PTTG1IP2: variants seen among roughly 807,000 people sequenced by gnomAD.
The protein encoded by PTTG1IP2 is PTTG1IP family member 2.
chr7:90,507,670 T>C (rs1798139092), intron 6 of PTTG1IP2, among the ~76,000 whole-genome samples: 1 of 152,152 alleles, frequency 6.6e-6, no homozygotes, highest in African/African-American at 2.4e-5. Flanking sequence ...TTTTTCACTG[T>C]TTAACACTAA....
intron 2 of PTTG1IP2, among the ~76,000 whole-genome samples, chr7:90,483,449 C>A: frequency 6.6e-6 from 1 of 152,172 alleles, no homozygotes; most frequent in Non-Finnish European, 1.5e-5. Context: ...AAACTCAAAG[C>A]CTTTCTCATT....
intron 6 of PTTG1IP2, among the ~76,000 whole-genome samples, chr7:90,510,955 A>C (rs1798183199): frequency 6.6e-6 from 1 of 152,234 alleles, no homozygotes. Context: ...GGAATACCGT[A>C]ATTTTGTTTT....
chr7:90,481,589 C>A (rs1562984691), intron 2 of PTTG1IP2, among the ~76,000 whole-genome samples: 1 of 152,178 alleles, frequency 6.6e-6, no homozygotes, highest in Non-Finnish European at 1.5e-5. Flanking sequence ...GTATAAACTT[C>A]ATTCCCCAAC....
chr7:90,484,865 A>C (rs1308286225), intron 2 of PTTG1IP2, among the ~76,000 whole-genome samples: 1 of 152,092 alleles, frequency 6.6e-6, no homozygotes. Context: ...CTGGGAATTG[A>C]CTTTATTTTT....
intron 2 of PTTG1IP2, among the ~76,000 whole-genome samples, chr7:90,480,619 A>G (rs1797805326): frequency 6.6e-6 from 1 of 152,166 alleles, no homozygotes; most frequent in Non-Finnish European, 1.5e-5. Flanking sequence ...TAAATATTAC[A>G]AGTTCATCCA....
intron 6 of PTTG1IP2, among the ~76,000 whole-genome samples, chr7:90,500,143 G>A (rs1048557468): frequency 5.9e-5 from 9 of 152,074 alleles, no homozygotes; most frequent in African/African-American, 2.2e-4. Flanking sequence ...AGCCTGGGGA[G>A]GTCGAGGCTG....
chr7:90,490,395 G>A (rs1229597516), intron 4 of PTTG1IP2, among the ~76,000 whole-genome samples: 1 of 147,562 alleles, frequency 6.8e-6, no homozygotes, highest in Admixed American at 6.8e-5. Flanking sequence ...AGTAAAATAT[G>A]CTTATAAAAA....
chr7:90,502,076 T>A (rs1168860762), intron 6 of PTTG1IP2, among the ~76,000 whole-genome samples: 1 of 152,230 alleles, frequency 6.6e-6, no homozygotes, highest in African/African-American at 2.4e-5. Context: ...TGCTCATCCA[T>A]AACAAGTGGC....
chr7:90,494,098 T>G (rs1797967887), intron 5 of PTTG1IP2: 2 of 152,340 alleles, frequency 1.3e-5, no homozygotes, highest in African/African-American at 4.8e-5. Flanking sequence ...TAAGCATTCA[T>G]TAAGCATCCA....
intron 6 of PTTG1IP2, among the ~76,000 whole-genome samples, chr7:90,507,550 T>C (rs1221891800): frequency 1.3e-5 from 2 of 152,196 alleles, no homozygotes; most frequent in Non-Finnish European, 2.9e-5. Context: ...TAAATGGTGA[T>C]TCTTGGGCTC....
At chr7:90,499,010 C>G (rs565491368) in intron 6 of PTTG1IP2, among the ~76,000 whole-genome samples, 4 of 152,120 alleles carry the variant, frequency 2.6e-5, no homozygotes, top group Non-Finnish European at 5.9e-5. Flanking sequence ...CACTACCATG[C>G]CTGGCTAACT....
intron 6 of PTTG1IP2, among the ~76,000 whole-genome samples, chr7:90,498,606 A>G (rs1025223702): frequency 1.3e-5 from 2 of 152,236 alleles, no homozygotes; most frequent in Non-Finnish European, 2.9e-5. Context: ...CTACACCAAC[A>G]CAATTTATTG....
chr7:90,476,322 C>T (rs146575940), intron 1 of PTTG1IP2, among the ~76,000 whole-genome samples: 54 of 152,090 alleles, frequency 3.6e-4, no homozygotes, highest in African/African-American at 1.2e-3. Flanking sequence ...ATCCATATGA[C>T]ACAGAAATCA....
At chr7:90,486,098 C>T (rs535301219) in intron 2 of PTTG1IP2, among the ~76,000 whole-genome samples, 3 of 152,130 alleles carry the variant, frequency 2.0e-5, no homozygotes, top group Non-Finnish European at 2.9e-5. Flanking sequence ...TTGGTACTTA[C>T]GCAGTGTCTA....
At chr7:90,484,040 T>G (rs1797841503) in intron 2 of PTTG1IP2, among the ~76,000 whole-genome samples, 1 of 152,102 alleles carries the variant, frequency 6.6e-6, no homozygotes, top group African/African-American at 2.4e-5. Context: ...TAGTTTTTTT[T>G]TTTTTAAATC....
At chr7:90,478,316 G>A (rs773657802) in intron 1 of PTTG1IP2, among the ~76,000 whole-genome samples, 12 of 152,272 alleles carry the variant, frequency 7.9e-5, no homozygotes, top group Admixed American at 2.0e-4. Flanking sequence ...TCCGAAAGGA[G>A]CCTGAGGCCA....
intron 6 of PTTG1IP2, among the ~76,000 whole-genome samples, chr7:90,510,499 TTG>T (rs148527314): frequency 4.6e-5 from 7 of 151,478 alleles, no homozygotes; most frequent in Non-Finnish European, 8.9e-5. Flanking sequence ...CGAGCTTTAT[TTG>T]TGTGTGTGTG....
chr7:90,502,367 T>TTCCAAA (rs1227867700), intron 6 of PTTG1IP2, among the ~76,000 whole-genome samples: 3 of 152,238 alleles, frequency 2.0e-5, no homozygotes, highest in African/African-American at 7.2e-5. Flanking sequence ...AATATACTTC[T>TTCCAAA]TCCAAACTCC....
intron 2 of PTTG1IP2, among the ~76,000 whole-genome samples, chr7:90,484,409 A>G (rs2116067502): frequency 6.6e-6 from 1 of 152,224 alleles, no homozygotes; most frequent in Admixed American, 6.5e-5. Flanking sequence ...AAACAGCTCT[A>G]CCCTAAAATG....
Sources: allele counts gnomAD v4.1 joint callset (sites outside exome capture counted in the v4.1 genomes callset), GRCh38; gene constraint gnomAD v4.1.1; transcripts MANE v1.5; gene names NCBI Gene and HGNC (gene_info 2026-07-23, HGNC 2026-07-21).